HS3ST4: variants seen among roughly 807,000 people sequenced by gnomAD.
HS3ST4 encodes the protein heparan sulfate-glucosamine 3-sulfotransferase 4, also known as heparan sulfate glucosamine 3-O-sulfotransferase 4.
Under a neutral mutation model 29.2 loss-of-function variants are expected in HS3ST4, and 17 were observed. The ratio of observed to expected loss-of-function variants is 0.58; its 90% CI spans 0.40 to 0.87. The LOEUF is 0.87. HS3ST4 is among the 40% of genes least tolerant of loss of function. The pLI is 0.00. For missense variants in HS3ST4, 627 were observed against 634.5 expected (o/e 0.99, Z 0.13); for synonymous variants, 314 against 285.7 (o/e 1.10, Z -1.00).
chr16:26,094,283 G>A (rs533568835), intron 1 of HS3ST4, among the ~76,000 whole-genome samples: 60 of 152,226 alleles, frequency 3.9e-4, no homozygotes, highest in African/African-American at 1.3e-3. Flanking sequence ...GATACTCCTC[G>A]AGAAGAGCAA....
At position 25,853,535 on chromosome 16, in the gene HS3ST4, A is replaced by G. The variant is rs192458071; in HGVS notation, c.734+160384A>G. ...CTGTTGAGTTTGAGGTTAGTTGTGT[A>G]CTTGTCATATATGACCTTTAGTATG... On this transcript the variant is annotated intron_variant, in intron 1 of 1. Transcript: ENST00000331351. Among the ~76,000 whole-genome samples, 64 of 152,266 alleles carry G rather than the reference A, an allele frequency of 4.2e-4. 1 individual carries two copies. The Middle Eastern group carries it at 0.01, about 24-fold the overall frequency.
At chr16:25,751,104 C>T (rs1966716420) in intron 1 of HS3ST4, among the ~76,000 whole-genome samples, 1 of 152,166 alleles carries the variant, frequency 6.6e-6, no homozygotes, top group South Asian at 2.1e-4. Flanking sequence ...CTTAAAACTG[C>T]ACAACTCCTG....
chr16:25,908,905 G>A lies in HS3ST4; in HGVS notation c.734+215754G>A, dbSNP rs80352022. On this transcript the variant is annotated intron_variant, in intron 1 of 1. Coordinates refer to ENST00000331351, the MANE Select transcript of HS3ST4 (RefSeq NM_006040.3). Reference sequence around the variant, plus strand: ...TTTTGAAAGTTTTAAGGGAGAAAACGAGGACAGAAGTCCATTTGGACAATA... The same window carrying A: ...TTTTGAAAGTTTTAAGGGAGAAAACAAGGACAGAAGTCCATTTGGACAATA... Among the ~76,000 whole-genome samples, 20 of 152,274 alleles carry A rather than the reference G, an allele frequency of 1.3e-4. No individual in the cohort carries two copies. In the East Asian group the frequency reaches 3.7e-3, roughly 28 times the overall value.
chr16:26,063,530 GA>G (rs954495726), intron 1 of HS3ST4, among the ~76,000 whole-genome samples: 10 of 149,216 alleles, frequency 6.7e-5, no homozygotes, highest in Middle Eastern at 3.5e-3. Flanking sequence ...AAAAAAAAAA[GA>G]AAAAAACCAT....
At chr16:25,820,044 A>AAAAAAG (rs1567247088) in intron 1 of HS3ST4, among the ~76,000 whole-genome samples, 10 of 144,758 alleles carry the variant, frequency 6.9e-5, no homozygotes, top group East Asian at 2.0e-4. Flanking sequence ...AAAAAAAAAA[A>AAAAAAG]AAAAAGAAAA....
At chr16:26,084,081 C>T (rs1207375995) in intron 1 of HS3ST4, among the ~76,000 whole-genome samples, 1 of 152,152 alleles carries the variant, frequency 6.6e-6, no homozygotes, top group Non-Finnish European at 1.5e-5. Context: ...GGAGTTTGCC[C>T]TGATGGTCTG....
At chr16:26,061,022 C>T (rs1898467705) in intron 1 of HS3ST4, among the ~76,000 whole-genome samples, 1 of 152,184 alleles carries the variant, frequency 6.6e-6, no homozygotes, top group Non-Finnish European at 1.5e-5. Context: ...TCACTTATTA[C>T]ATGTTCCCAT....
chr16:25,933,437 A>G, intron 1 of HS3ST4: 2 of 508,436 alleles, frequency 3.9e-6, no homozygotes. Flanking sequence ...GAAGTTTAGC[A>G]CTGCTGAAAA....
chr16:26,119,789 A>G (rs1462183814), intron 1 of HS3ST4, among the ~76,000 whole-genome samples: 1 of 152,174 alleles, frequency 6.6e-6, no homozygotes, highest in African/African-American at 2.4e-5. Flanking sequence ...GGGAGCACAC[A>G]AACTATAGAA....
At chr16:26,022,481 G>A (rs1402911856) in intron 1 of HS3ST4, among the ~76,000 whole-genome samples, 2 of 152,106 alleles carry the variant, frequency 1.3e-5, no homozygotes, top group East Asian at 3.9e-4. Context: ...TTCTATAAGA[G>A]CAGATAGCAA....
At chr16:26,087,858 C>T (rs1898808756) in intron 1 of HS3ST4, among the ~76,000 whole-genome samples, 1 of 152,096 alleles carries the variant, frequency 6.6e-6, no homozygotes, top group Non-Finnish European at 1.5e-5. Context: ...GATGCTCAAT[C>T]TTTAGCTTTG....
At chr16:26,093,269 C>T (rs545815611) in intron 1 of HS3ST4, among the ~76,000 whole-genome samples, 13 of 152,302 alleles carry the variant, frequency 8.5e-5, no homozygotes, top group South Asian at 2.1e-4. Context: ...GCACTGAGAA[C>T]GGACAGACTG....
chr16:25,862,149 T>C lies in HS3ST4; in HGVS notation c.734+168998T>C, dbSNP rs939573841. On this transcript the variant is annotated intron_variant, in intron 1 of 1. Coordinates refer to ENST00000331351, the MANE Select transcript of HS3ST4 (RefSeq NM_006040.3). ...TGCACAGTTGATTCTCCTATGAGAA[T>C]TTTATTTATTTACATATTTATTTAT... 2.7e-5 allele frequency among the ~76,000 whole-genome samples: 4 copies of C among 147,356 alleles called. No homozygotes were observed. In the South Asian group the frequency reaches 8.7e-4, roughly 32 times the overall value.
chr16:26,021,282 G>A (rs764436451), intron 1 of HS3ST4, among the ~76,000 whole-genome samples: 16 of 152,214 alleles, frequency 1.1e-4, no homozygotes, highest in Admixed American at 3.3e-4. Flanking sequence ...ATCTTCCTTC[G>A]AAAAGTTAAA....
chr16:25,971,326 G>A (rs1021457152), intron 1 of HS3ST4, among the ~76,000 whole-genome samples: 3 of 152,148 alleles, frequency 2.0e-5, no homozygotes, highest in Non-Finnish European at 4.4e-5. Flanking sequence ...CTTCAACCTT[G>A]CAGCTGGCAC....
intron 1 of HS3ST4, among the ~76,000 whole-genome samples, chr16:26,105,986 G>T (rs1266199755): frequency 1.3e-5 from 2 of 150,342 alleles, no homozygotes; most frequent in Non-Finnish European, 2.9e-5. Flanking sequence ...AGAAGAGTAG[G>T]AAGGGGAAGA....
intron 1 of HS3ST4, among the ~76,000 whole-genome samples, chr16:25,916,926 G>A (rs766556465): frequency 9.2e-5 from 14 of 151,972 alleles, no homozygotes; most frequent in Middle Eastern, 3.4e-3. Context: ...TGATCCACCC[G>A]TCTCGGCCTC....
intron 1 of HS3ST4, among the ~76,000 whole-genome samples, chr16:25,839,090 A>C (rs1967388984): frequency 6.7e-6 from 1 of 149,958 alleles, no homozygotes; most frequent in African/African-American, 2.5e-5. Flanking sequence ...AAAAGTCTTG[A>C]AATTAAAGTA....
chr16:25,791,306 G>C (rs1966868703), intron 1 of HS3ST4, among the ~76,000 whole-genome samples: 1 of 152,068 alleles, frequency 6.6e-6, no homozygotes, highest in Admixed American at 6.5e-5. Context: ...TAGAATAACT[G>C]GATATCAGCA....
Sources: allele counts gnomAD v4.1 joint callset (sites outside exome capture counted in the v4.1 genomes callset), GRCh38; gene constraint gnomAD v4.1.1; transcripts MANE v1.5; gene names NCBI Gene and HGNC (gene_info 2026-07-23, HGNC 2026-07-21).